HPCAL4: variants seen among roughly 807,000 people sequenced by gnomAD.
HPCAL4 encodes hippocalcin-like protein 4.
A neutral mutation model predicts 18.2 loss-of-function variants in HPCAL4; 16 were observed. The ratio of observed to expected loss-of-function variants is 0.88; its 90% CI spans 0.59 to 1.33. HPCAL4 has a LOEUF of 1.33. HPCAL4 is among the 40% of genes most tolerant of loss of function. HPCAL4 has a pLI of 0.00. For missense variants in HPCAL4, 214 were observed against 256.6 expected, an observed-to-expected ratio of 0.83 and a Z score of 1.14; for synonymous variants, 80 against 97.5, an observed-to-expected ratio of 0.82 and a Z score of 1.06.
rs1377373914 is a variant in HPCAL4, at chr1:39,679,083, A to AG, written c.*3452_*3453insC. 1 of 152,228 alleles carries AG rather than the reference A, an allele frequency of 6.6e-6. No homozygotes were observed. Among genetic ancestry groups the AG allele is most frequent in the Non-Finnish European group, 1.5e-5 (1 of 68,038 alleles). The allele number at this position is 152,228 out of a possible 1,614,324, so 9.4% of individuals were successfully genotyped here. A position where few individuals can be genotyped will look rare whatever the true frequency, so the allele number is the denominator to read the frequency against. On this transcript the variant is annotated 3_prime_UTR_variant, in exon 4 of 4. Transcript: ENST00000372844. Reference sequence around the variant, plus strand: ...CACAGTGATCTCTAAAGTCAGCTCAAAGCCTCACCCAGGGTGGATCTTCAG... The same window carrying AG: ...CACAGTGATCTCTAAAGTCAGCTCAAGAGCCTCACCCAGGGTGGATCTTCAG...
chr1:39,683,141 C>A (rs36043415), intron 3 of HPCAL4, among the ~76,000 whole-genome samples: 12,570 of 152,216 alleles, frequency 0.083, 543 homozygotes, highest in Middle Eastern at 0.17. Flanking sequence ...GCCTCACCCT[C>A]CCAAAGTGCT....
At chr1:39,690,600 C>CT (rs1347376048) in intron 1 of HPCAL4, among the ~76,000 whole-genome samples, 4 of 152,004 alleles carry the variant, frequency 2.6e-5, no homozygotes, top group Admixed American at 6.5e-5. Flanking sequence ...GGGTGGTCTG[C>CT]TGGGGGTGGT....
chr1:39,688,653 A>G (rs1478923043), intron 1 of HPCAL4, among the ~76,000 whole-genome samples: 1 of 152,100 alleles, frequency 6.6e-6, no homozygotes, highest in Admixed American at 6.5e-5. Context: ...GAAACTCTAG[A>G]ATCCTCTAGA....
chr1:39,688,091 C>T (rs1646690640), intron 1 of HPCAL4, among the ~76,000 whole-genome samples: 2 of 152,262 alleles, frequency 1.3e-5, no homozygotes, highest in South Asian at 4.1e-4. Context: ...CCTGCCTGGG[C>T]CACCGTCTCC....
chr1:39,682,626 C>T lies in HPCAL4; in HGVS notation c.486G>A (p.Lys162=). 6.2e-7 allele frequency: 1 copy of T among 1,614,252 alleles called. No homozygotes were observed. The highest frequency in any genetic ancestry group is 2.2e-5 in the East Asian group (1 of 44,884). The part of the protein sequence containing the change: ...DKIFKKMDQD[K]DDQITLEEFK... ...ACTCCTCCAATGTAATCTGGTCGTC[C>T]TTATCCTGGTCCATCTTCTTGAAGA... Residue 162 remains lysine, a synonymous_variant, in exon 4 of 4, where the codon AAG becomes AAA. Transcript: ENST00000372844.
At chr1:39,685,433 G>C (rs969528353) in intron 1 of HPCAL4, among the ~76,000 whole-genome samples, 2 of 152,176 alleles carry the variant, frequency 1.3e-5, no homozygotes, top group Non-Finnish European at 2.9e-5. Context: ...GAAAAGGTAT[G>C]TGTTTTAAAA....
At chr1:39,684,216 G>A in intron 2 of HPCAL4, 64 bp from the exon 3 acceptor site, 1 of 1,204,310 alleles carries the variant, frequency 8.3e-7, no homozygotes. Flanking sequence ...CCATCTCAGG[G>A]AACCTCCCCT....
In HPCAL4 at chr1:39,684,484, G is replaced by A. The variant is rs9662128; in HGVS notation, c.120C>T (p.Ser40=). Residue 40 remains serine (S), a synonymous_variant, in exon 2 of 4, where the codon AGC becomes AGT. Transcript: ENST00000372844. ...WYKGFLKDCP[S]GILNLEEFQQ... ...GAAACTCCTCCAGGTTGAGGATGCC[G>A]CTGGGGCAGTCCTTCAGGAAGCCCT... is the stretch of plus-strand genomic sequence containing the variant. 0.34 allele frequency: 540,481 copies of A among 1,611,800 alleles called. 92,543 individuals are homozygous for A. Among genetic ancestry groups the A allele is most frequent in the African/African-American group, 0.46 (34,136 of 74,890 alleles).
Position 39,684,620 on chromosome 1 carries a change from C to A in HPCAL4, c.-8-9G>T. 6.4e-7 allele frequency: 1 copy of A among 1,567,736 alleles called. No individual in the cohort carries two copies. Among genetic ancestry groups the A allele is most frequent in the Non-Finnish European group, 8.6e-7 (1 of 1,158,046 alleles). ...CTTCCCCATGGCGGGGCCTGTGGGA[C>A]AGAGGGATTCCTCCGACTGGGTCCA... On this transcript the variant is annotated splice_polypyrimidine_tract_variant and intron_variant, in intron 1 of 3. Transcript: ENST00000372844.
In HPCAL4 at chr1:39,679,661, C is replaced by T. The variant is rs1646608307; in HGVS notation, c.*2875G>A. ...TCTCAGCTGGTGCAGGGACGGGAGA[C>T]CTGTGTCTCTTCTCAAGGCAGGGCC... On this transcript the variant is annotated 3_prime_UTR_variant, in exon 4 of 4. Transcript: ENST00000372844. 1 of 152,214 alleles carries T rather than the reference C, an allele frequency of 6.6e-6. No individual in the cohort carries two copies. The highest frequency in any genetic ancestry group is 6.5e-5 in the Admixed American group (1 of 15,278). 9.4% of individuals were successfully genotyped at this position (152,214 alleles called of 1,614,324 possible).
At position 39,682,689 on chromosome 1, in the gene HPCAL4, G is replaced by C; in HGVS notation, c.423C>G (p.Asn141Lys). ...MVGTVIMMRM[N>K]QDGLTPQQRV... ...GCTGCTGGGGCGTGAGCCCGTCCTG[G>C]TTCATGCGCATCATGATCACGGTGC... Residue 141 changes from asparagine to lysine, a missense_variant, in exon 4 of 4, where the codon AAC becomes AAG. Asn to Lys is a moderately conservative substitution (Grantham distance 94). Transcript: ENST00000372844. 6.2e-7 allele frequency: 1 copy of C among 1,614,198 alleles called. No homozygotes were observed. The highest frequency in any genetic ancestry group is 2.2e-5 in the East Asian group (1 of 44,884).
At position 39,682,549 on chromosome 1, in the gene HPCAL4, T is replaced by A; in HGVS notation, c.563A>T (p.Asp188Val). Residue 188 changes from aspartate to valine, a missense_variant, in exon 4 of 4, where the codon GAC becomes GTC. Coordinates refer to ENST00000372844, the MANE Select transcript of HPCAL4 (RefSeq NM_016257.4). ...DPSIVLLLQC[D>V]MQK ...CCTCACCAGCTTCTACTTCTGCATG[T>A]CACACTGCAGCAGCAACACAATGGA... The A allele has an allele frequency of 1.9e-6, 3 of 1,614,212 alleles. No homozygotes were observed. The highest frequency in any genetic ancestry group is 2.5e-6 in the Non-Finnish European group (3 of 1,180,024).
At chr1:39,686,180 C>CAA (rs35915782) in intron 1 of HPCAL4, among the ~76,000 whole-genome samples, 2,091 of 86,358 alleles carry the variant, frequency 0.024, 71 homozygotes, top group African/African-American at 0.072. Context: ...GACTCCGTCT[C>CAA]AAAAAAAAAA....
chr1:39,689,244 G>T (rs12742010), intron 1 of HPCAL4, among the ~76,000 whole-genome samples: 30,522 of 152,036 alleles, frequency 0.2, 3,593 homozygotes, highest in East Asian at 0.54. Context: ...GAGAGCAGGG[G>T]TTTTTTCTCT....
At chr1:39,684,272 C>G in intron 2 of HPCAL4, 120 bp from the exon 3 acceptor site, 1 of 1,063,728 alleles carries the variant, frequency 9.4e-7, no homozygotes, top group Admixed American at 2.5e-5. Flanking sequence ...GCCTTGCCCC[C>G]GCCACCCCGG....
intron 1 of HPCAL4, among the ~76,000 whole-genome samples, chr1:39,690,676 G>A (rs1646711034): frequency 6.6e-6 from 1 of 152,064 alleles, no homozygotes; most frequent in South Asian, 2.1e-4. Context: ...TAGCACTGGG[G>A]GCCACTGGGG....
At chr1:39,691,081 T>TA (rs1446078636) in intron 1 of HPCAL4, 2 of 152,804 alleles carry the variant, frequency 1.3e-5, no homozygotes, top group Non-Finnish European at 2.9e-5. Flanking sequence ...TGGGGATAAG[T>TA]AGGCGGCTCT....
In HPCAL4 at chr1:39,682,509, G is replaced by T. The variant is rs1281662610; in HGVS notation, c.*27C>A. On this transcript the variant is annotated 3_prime_UTR_variant, in exon 4 of 4. Coordinates refer to ENST00000372844, the MANE Select transcript of HPCAL4 (RefSeq NM_016257.4). ...TTGGGAGGTGGCCATGCCCCTTCTG[G>T]CCAGGGACCCTGCCCCTCACCAGCT... 4 of 1,612,204 alleles carry T rather than the reference G, an allele frequency of 2.5e-6. No homozygotes were observed. Among genetic ancestry groups the T allele is most frequent in the African/African-American group, 2.7e-5 (2 of 74,912 alleles).
rs568745363 is a variant in HPCAL4, at chr1:39,679,925, G to A, written c.*2611C>T. On this transcript the variant is annotated 3_prime_UTR_variant, in exon 4 of 4. Coordinates refer to ENST00000372844, the MANE Select transcript of HPCAL4 (RefSeq NM_016257.4). ...GTAATCAAACACGCCTTCATGGGTA[G>A]GCATGTTTCTCTTAGTGAAGATGAT... 1 of 152,720 alleles carries A rather than the reference G, an allele frequency of 6.5e-6. No individual in the cohort carries two copies. The highest frequency in any genetic ancestry group is 2.1e-4 in the South Asian group (1 of 4,824). 9.5% of individuals were successfully genotyped at this position (152,720 alleles called of 1,614,324 possible). A position where few individuals can be genotyped will look rare whatever the true frequency, so the allele number is the denominator to read the frequency against.
Sources: allele counts gnomAD v4.1 joint callset (sites outside exome capture counted in the v4.1 genomes callset), GRCh38; gene constraint gnomAD v4.1.1; transcripts MANE v1.5; gene names NCBI Gene and HGNC (gene_info 2026-07-23, HGNC 2026-07-21).